The following CFAP47 variants were observed in gnomAD, a reference collection of about 807,000 sequenced individuals.
The protein encoded by CFAP47 is cilia- and flagella-associated protein 47.
In CFAP47, 29 loss-of-function variants were observed where a neutral mutation model predicts 148.1. The observed-to-expected ratio is 0.20, with a 90% CI of 0.15 to 0.27. CFAP47 has a LOEUF of 0.27. Among genes scored for constraint, CFAP47 ranks in the 10% least tolerant of loss-of-function variants. The pLI, the probability that CFAP47 is intolerant of heterozygous loss-of-function variation, is 1.00. For synonymous variants in CFAP47, 664 were observed against 577.3 expected (o/e 1.15, Z -2.15); for missense variants, 1,872 against 1,697.5 (o/e 1.10, Z -1.81).
intron 26 of CFAP47, among the ~76,000 whole-genome samples, chrX:36,054,497 A>G (rs574484719): frequency 8.0e-4 from 90 of 111,919 alleles, no homozygotes; most frequent in African/African-American, 2.8e-3. Context: ...TATTATATCA[A>G]TTCTTCATTT....
intron 60 of CFAP47, among the ~76,000 whole-genome samples, chrX:36,359,129 C>T (rs919194847): frequency 6.3e-5 from 7 of 111,791 alleles, no homozygotes; most frequent in African/African-American, 1.3e-4. Context: ...ATATAAATAA[C>T]GATAAGAAAA....
chrX:35,924,043 G>GTACATGTATGCGCACATATATGTA (rs1935647457), intron 1 of CFAP47, among the ~76,000 whole-genome samples: 1 of 92,056 alleles, frequency 1.1e-5, no homozygotes, highest in African/African-American at 4.7e-5. Context: ...ACATATATGT[G>GTACATGTATGCGCACATATATGTA]TATATGTACA....
Position 36,085,335 on chromosome X carries a change from C to G in CFAP47, c.4713C>G (p.Phe1571Leu). The change falls in exon 30 of 64, where the codon TTC (phenylalanine) becomes TTG (leucine). Residue 1571 changes from phenylalanine to leucine, a missense_variant. Phe to Leu is a conservative substitution (Grantham distance 22). Transcript: ENST00000378653. ...ATAGGGATGTATATAAAATGCAATT[C>G]TACTCATCAACCTCGCCACCCCAAA... ...TIRRDVYKMQ[F>L]YSSTSPPQKF... 3 of 1,193,325 alleles carry G rather than the reference C, an allele frequency of 2.5e-6. No individual in the cohort carries two copies. The highest frequency in any genetic ancestry group is 2.3e-6 in the Non-Finnish European group (2 of 881,357).
At chrX:36,005,921 C>A (rs767726997) in intron 21 of CFAP47, among the ~76,000 whole-genome samples, 1 of 110,928 alleles carries the variant, frequency 9.0e-6, no homozygotes, top group Non-Finnish European at 1.9e-5. Context: ...CACACATACA[C>A]ACACACACAC....
At position 36,385,043 on chromosome X, in the gene CFAP47, A is replaced by G; in HGVS notation, c.*37A>G. On this transcript the variant is annotated 3_prime_UTR_variant, in exon 64 of 64. Transcript: ENST00000378653. ...AAAATATTTCTTGGTCTCAGGTAGA[A>G]CTTTGATGACTATTATTTCATCTTT... 1.2e-6 allele frequency: 1 copy of G among 842,658 alleles called. No individual in the cohort carries two copies. The highest frequency in any genetic ancestry group is 2.7e-5 in the Admixed American group (1 of 37,112). The allele number at this position is 842,658 out of a possible 1,213,427, so 69.4% of individuals were successfully genotyped here.
chrX:36,311,391 G>T (rs782564426), intron 56 of CFAP47, among the ~76,000 whole-genome samples: 1 of 110,870 alleles, frequency 9.0e-6, no homozygotes, highest in East Asian at 2.8e-4. Flanking sequence ...GGAATAAATT[G>T]TGGCTTCAAT....
At chrX:36,217,898 A>T (rs782666427) in intron 45 of CFAP47, among the ~76,000 whole-genome samples, 2 of 110,632 alleles carry the variant, frequency 1.8e-5, no homozygotes, top group Admixed American at 9.6e-5. Flanking sequence ...GCTGGTAAGT[A>T]AAAAAAAAGT....
At chrX:36,115,245 C>T (rs910107956) in intron 33 of CFAP47, among the ~76,000 whole-genome samples, 2 of 111,219 alleles carry the variant, frequency 1.8e-5, no homozygotes, top group Non-Finnish European at 3.8e-5. Flanking sequence ...TAATTTAAGT[C>T]CTTTATTGCA....
chrX:36,005,931 C>G (rs1350523820), intron 21 of CFAP47, among the ~76,000 whole-genome samples: 1 of 110,610 alleles, frequency 9.0e-6, no homozygotes, highest in Non-Finnish European at 1.9e-5. Flanking sequence ...CACACACACA[C>G]AATTTCAACA....
intron 49 of CFAP47, among the ~76,000 whole-genome samples, chrX:36,260,130 T>C (rs1400771003): frequency 9.0e-6 from 1 of 111,616 alleles, no homozygotes; most frequent in Non-Finnish European, 1.9e-5. Context: ...CAGTACACTC[T>C]TGATGGTCAT....
At chrX:36,332,512 A>T (rs1447371110) in intron 57 of CFAP47, among the ~76,000 whole-genome samples, 2 of 111,424 alleles carry the variant, frequency 1.8e-5, no homozygotes, top group Non-Finnish European at 3.8e-5. Context: ...AAAATGATGA[A>T]TGCATTCTAT....
intron 57 of CFAP47, among the ~76,000 whole-genome samples, chrX:36,322,844 CTTGT>C (rs1556012280): frequency 9.0e-6 from 1 of 110,698 alleles, no homozygotes; most frequent in Non-Finnish European, 1.9e-5. Context: ...TCCAAAGGGG[CTTGT>C]TTATTTTATA....
chrX:36,119,600 C>G lies in CFAP47; in HGVS notation c.5320+14909C>G, dbSNP rs935940053. ...AGGATGAGTTTGGAATTATTCCATC[C>G]TCCTCAGTTTTTCAGAATAATTTAA... is the stretch of plus-strand genomic sequence containing the variant. On this transcript the variant is annotated intron_variant, in intron 33 of 63. Coordinates refer to ENST00000378653, the MANE Select transcript of CFAP47 (RefSeq NM_001304548.2). Among the ~76,000 whole-genome samples, 20 of 111,300 alleles carry G rather than the reference C, an allele frequency of 1.8e-4. 1 individual carries two copies. The highest frequency in any genetic ancestry group is 1.1e-3 in the Admixed American group (11 of 10,379).
chrX:36,253,942 G>C (rs1555998575), intron 49 of CFAP47, among the ~76,000 whole-genome samples: 1 of 111,667 alleles, frequency 9.0e-6, no homozygotes. Context: ...ACCTAGATCA[G>C]GTGTCCTTTC....
At chrX:36,117,775 C>T (rs188732650) in intron 33 of CFAP47, among the ~76,000 whole-genome samples, 12 of 111,312 alleles carry the variant, frequency 1.1e-4, no homozygotes, top group Admixed American at 2.9e-4. Context: ...CATTATGCTT[C>T]GGTTGCCTGT....
chrX:36,002,592 A>G (rs1408479519), intron 21 of CFAP47, among the ~76,000 whole-genome samples: 3 of 111,243 alleles, frequency 2.7e-5, no homozygotes, highest in Admixed American at 9.6e-5. Flanking sequence ...CAAAAAACCA[A>G]CCAACCAACC....
intron 6 of CFAP47, among the ~76,000 whole-genome samples, chrX:35,953,095 C>T (rs900251024): frequency 8.9e-6 from 1 of 112,243 alleles, no homozygotes; most frequent in African/African-American, 3.2e-5. Flanking sequence ...CTTTTCTCCT[C>T]AAACAAAATT....
At chrX:36,296,575 A>G (rs1941244342) in intron 51 of CFAP47, among the ~76,000 whole-genome samples, 1 of 112,486 alleles carries the variant, frequency 8.9e-6, no homozygotes, top group Non-Finnish European at 1.9e-5. Flanking sequence ...TGTGATATAA[A>G]ACAAATTATT....
At chrX:36,027,296 A>C (rs758715297) in intron 22 of CFAP47, among the ~76,000 whole-genome samples, 2 of 108,714 alleles carry the variant, frequency 1.8e-5, no homozygotes, top group Non-Finnish European at 3.8e-5. Flanking sequence ...CCAAATAGTG[A>C]GCACTGTAGC....
Sources: gnomAD v4.1 joint callset for allele counts (sites outside exome capture counted in the v4.1 genomes callset) on GRCh38, gnomAD v4.1.1 for gene constraint, MANE v1.5 for transcripts, NCBI Gene and HGNC (gene_info 2026-07-23, HGNC 2026-07-21) for gene names.